ASIP: variants seen among roughly 807,000 people sequenced by gnomAD.
The protein encoded by ASIP is agouti-signaling protein.
ASIP carries 11 observed loss-of-function variants against 10.3 expected under a neutral mutation model. The ratio of observed to expected loss-of-function variants is 1.07; its 90% CI spans 0.68 to 1.78. The LOEUF is 1.78. ASIP is among the 40% of genes most tolerant of loss of function. The pLI, the probability that ASIP is intolerant of heterozygous loss-of-function variation, is 0.00. For synonymous variants in ASIP, 70 were observed against 70.8 expected, an observed-to-expected ratio of 0.99 and a Z score of 0.06; for missense variants, 180 against 169.2, an observed-to-expected ratio of 1.06 and a Z score of -0.35.
upstream of ASIP, among the ~76,000 whole-genome samples, chr20:34,239,810 C>T (rs1014845637): frequency 2.0e-5 from 3 of 152,136 alleles, no homozygotes; most frequent in Non-Finnish European, 4.4e-5. Context: ...GTGTGCCATC[C>T]CCTATCCCAC....
intron 1 of ASIP, among the ~76,000 whole-genome samples, chr20:34,218,789 G>A (rs1601576209): frequency 6.6e-6 from 1 of 151,988 alleles, no homozygotes; most frequent in African/African-American, 2.4e-5. Context: ...CAGCCTCCTG[G>A]GTAGCTGGGA....
At chr20:34,243,001 C>T (rs1007134876) in intron 1 of ASIP, among the ~76,000 whole-genome samples, 5 of 152,236 alleles carry the variant, frequency 3.3e-5, no homozygotes, top group Non-Finnish European at 5.9e-5. Flanking sequence ...ATAAAACAGC[C>T]TAAAGGGAAT....
At chr20:34,227,063 G>T (rs916481321) in intron 1 of ASIP, among the ~76,000 whole-genome samples, 26 of 152,044 alleles carry the variant, frequency 1.7e-4, no homozygotes, top group African/African-American at 5.8e-4. Context: ...CTATTTATTT[G>T]CAAAAGACAT....
At chr20:34,216,246 A>T (rs1395934856) in intron 1 of ASIP, among the ~76,000 whole-genome samples, 1 of 152,140 alleles carries the variant, frequency 6.6e-6, no homozygotes, top group Non-Finnish European at 1.5e-5. Context: ...CGCGAGGGCC[A>T]GCTAACGCCG....
At chr20:34,192,707 G>A (rs1258349380), upstream of ASIP, among the ~76,000 whole-genome samples, 5 of 152,064 alleles carry the variant, frequency 3.3e-5, no homozygotes, top group Admixed American at 1.3e-4. Context: ...CACTAAAGTG[G>A]TGCTTACCTC....
At chr20:34,199,402 CA>C (rs1198501992) in intron 1 of ASIP, among the ~76,000 whole-genome samples, 1 of 151,926 alleles carries the variant, frequency 6.6e-6, no homozygotes. Flanking sequence ...GTCAGTTTTC[CA>C]AAATGATTGT....
At position 34,260,680 on chromosome 20, in the gene ASIP, C is replaced by G. The variant is rs555384054; in HGVS notation, c.160+146C>G. On this transcript the variant is annotated intron_variant, in intron 2 of 3. Coordinates refer to ENST00000374954, the MANE Select transcript of ASIP (RefSeq NM_001672.3). ...AAATAATCCTGGGAGAATAAGGTGG[C>G]CCTTGACTCATTTGGTTTGGGAAAG... is the stretch of plus-strand genomic sequence containing the variant. The G allele has an allele frequency of 1.4e-5, 14 of 975,202 alleles. No homozygotes were observed. In the East Asian group the frequency reaches 3.3e-4, roughly 23 times the overall value. The allele number at this position is 975,202 out of a possible 1,614,324, so 60.4% of individuals were successfully genotyped here. A position where few individuals can be genotyped will look rare whatever the true frequency, so the allele number is the denominator to read the frequency against.
At chr20:34,210,856 A>AT (rs1294800505) in intron 1 of ASIP, among the ~76,000 whole-genome samples, 1 of 152,124 alleles carries the variant, frequency 6.6e-6, no homozygotes, top group Non-Finnish European at 1.5e-5. Flanking sequence ...ACAGTGACTG[A>AT]TTTTTTTGAA....
intron 3 of ASIP, 97 bp downstream of exon 3, chr20:34,262,990 A>G: frequency 7.2e-7 from 1 of 1,398,134 alleles, no homozygotes. Context: ...TAAATGAAAG[A>G]TTTTTCAGGC....
Position 34,201,632 on chromosome 20 carries a change from G to A in ASIP, c.-11+6872G>A, listed in dbSNP as rs540829032. On this transcript the variant is annotated intron_variant, in intron 1 of 3. Coordinates refer to the ASIP transcript ENST00000568305. ...AGCTGCCTTTGATAGATTCGGGTGCGAGTGGAGCCGGAGCCATATACCTGG... is the reference window on the plus strand; with the variant it reads ...AGCTGCCTTTGATAGATTCGGGTGCAAGTGGAGCCGGAGCCATATACCTGG... Among the ~76,000 whole-genome samples, 8 of 152,316 alleles carry A rather than the reference G, an allele frequency of 5.3e-5. No homozygotes were observed. The South Asian group carries it at 8.3e-4, about 16-fold the overall frequency.
the ASIP span, among the ~76,000 whole-genome samples, chr20:34,188,529 T>C: frequency 6.6e-6 from 1 of 152,222 alleles, no homozygotes; most frequent in African/African-American, 2.4e-5. Context: ...ATATTCCTTT[T>C]TAATCAAGAA....
intron 1 of ASIP, chr20:34,249,903 GA>G (rs772277311): frequency 1.3e-5 from 2 of 152,218 alleles, no homozygotes; most frequent in Non-Finnish European, 2.9e-5. Flanking sequence ...TCAAGGTCAA[GA>G]ATTCCCTCTT....
intron 1 of ASIP, among the ~76,000 whole-genome samples, 197 bp from the exon 2 acceptor site, chr20:34,260,168 C>T (rs898166243): frequency 6.6e-6 from 1 of 152,020 alleles, no homozygotes; most frequent in Non-Finnish European, 1.5e-5. Flanking sequence ...TTCTCTCTTC[C>T]TCTTCCCATC....
intron 1 of ASIP, among the ~76,000 whole-genome samples, chr20:34,197,634 T>A (rs989587380): frequency 4.6e-5 from 7 of 152,214 alleles, no homozygotes; most frequent in African/African-American, 1.4e-4. Context: ...AGATACCTAG[T>A]CCTTGGCATT....
chr20:34,235,880 A>AG lies in ASIP; in HGVS notation c.-10-24483dup, dbSNP rs1568756297. Among the ~76,000 whole-genome samples, 160 of 98,792 alleles carry AG rather than the reference A, an allele frequency of 1.6e-3. 2 individuals are homozygous for AG. Among genetic ancestry groups the AG allele is most frequent in the South Asian group, 4.9e-3 (12 of 2,434 alleles). 64.8% of individuals were successfully genotyped at this position (98,792 alleles called of 152,430 possible). A position where few individuals can be genotyped will look rare whatever the true frequency, so the allele number is the denominator to read the frequency against. On this transcript the variant is annotated intron_variant, in intron 1 of 3. Coordinates refer to the ASIP transcript ENST00000568305. The stretch of plus-strand genomic sequence containing the variant: ...AGGAAGGAAGGAAAGGAAGGAAGGA[A>AG]GGAAGGAAGGAAGGAAGGAAAGGAA...
At chr20:34,254,388 C>T (rs1039303828) in intron 1 of ASIP, among the ~76,000 whole-genome samples, 2 of 152,192 alleles carry the variant, frequency 1.3e-5, no homozygotes, top group Non-Finnish European at 2.9e-5. Flanking sequence ...GTATTAATAG[C>T]AGGGAGTGTG....
intron 1 of ASIP, among the ~76,000 whole-genome samples, chr20:34,225,035 TTTTGTTTG>T (rs930879079): frequency 3.0e-5 from 4 of 133,934 alleles, no homozygotes; most frequent in Non-Finnish European, 6.4e-5. Flanking sequence ...GCACCTTTGT[TTTTGTTTG>T]TTTGTTTGTT....
At chr20:34,213,559 A>G in intron 1 of ASIP, 1 of 1,544,720 alleles carries the variant, frequency 6.5e-7, no homozygotes, top group Non-Finnish European at 8.8e-7. Flanking sequence ...AATTGCATGA[A>G]GCAGGGGCAT....
chr20:34,211,897 T>G (rs949177761), intron 1 of ASIP, among the ~76,000 whole-genome samples: 8 of 152,332 alleles, frequency 5.3e-5, no homozygotes, highest in Non-Finnish European at 7.4e-5. Flanking sequence ...GCTTGGGCTT[T>G]GTGGCATTTC....
Sources: gnomAD v4.1 joint callset for allele counts (sites outside exome capture counted in the v4.1 genomes callset) on GRCh38, gnomAD v4.1.1 for gene constraint, MANE v1.5 for transcripts, NCBI Gene and HGNC (gene_info 2026-07-23, HGNC 2026-07-21) for gene names.